RIC8B: variants seen among roughly 807,000 people sequenced by gnomAD.
The protein encoded by RIC8B is chaperone Ric-8B.
A neutral mutation model predicts 57.5 loss-of-function variants in RIC8B; 16 were observed. The observed-to-expected ratio is 0.28, with a 90% confidence interval of 0.19 to 0.42. The LOEUF is 0.42. Among genes scored for constraint, RIC8B ranks in the 10% least tolerant of loss-of-function variants. The probability of loss-of-function intolerance (pLI) is 1.00; values close to 1 mark genes in which losing one functional copy is unlikely to be tolerated. For missense variants in RIC8B, 481 were observed against 677.0 expected (o/e 0.71, Z 3.21); for synonymous variants, 216 against 250.8 (o/e 0.86, Z 1.31).
chr12:106,784,033 G>C lies in RIC8B; in HGVS notation c.121G>C (p.Asp41His). 1 of 1,613,740 alleles carries C rather than the reference G, an allele frequency of 6.2e-7. No homozygotes were observed. Residue 41 changes from aspartate to histidine, a missense_variant, in exon 2 of 10, where the codon GAT (aspartate) becomes CAT (histidine). Physicochemically the swap from Asp to His is moderately conservative, Grantham distance 81. This residue lies in a region of RIC8B where 421 missense variants were observed against 560.9 expected (regional missense o/e 0.75). Transcript: ENST00000392837. Reference protein sequence around the residue: ...ATFKFESTDEDKRKKLCEGIF... With the variant: ...ATFKFESTDEHKRKKLCEGIF... Reference sequence around the variant, plus strand: ...TTTCAAATTTGAATCAACAGATGAAGATAAAAGAAAGGTAAGCCTTGGTGT... The same window carrying C: ...TTTCAAATTTGAATCAACAGATGAACATAAAAGAAAGGTAAGCCTTGGTGT...
rs1430770015 is a variant in RIC8B, at chr12:106,886,315, A to C, written c.*300A>C. 2 of 253,742 alleles carry C rather than the reference A, an allele frequency of 7.9e-6. No homozygotes were observed. The highest frequency in any genetic ancestry group is 1.5e-5 in the Non-Finnish European group (2 of 133,632). 15.7% of individuals were successfully genotyped at this position (253,742 alleles called of 1,614,324 possible). On this transcript the variant is annotated 3_prime_UTR_variant, in exon 10 of 10. Coordinates refer to ENST00000392837, the MANE Select transcript of RIC8B (RefSeq NM_001330145.2). Reference sequence around the variant, plus strand: ...TAAAGCGGCCCTGGTTGAATCTGGCAATTCTTTTTGCCAAGATCCCTAGCA... The same window carrying C: ...TAAAGCGGCCCTGGTTGAATCTGGCCATTCTTTTTGCCAAGATCCCTAGCA...
intron 3 of RIC8B, among the ~76,000 whole-genome samples, chr12:106,820,643 A>C (rs1029698131): frequency 2.6e-5 from 4 of 152,316 alleles, no homozygotes; most frequent in Non-Finnish European, 5.9e-5. Flanking sequence ...ACATGTTAGA[A>C]ACAGACAACC....
chr12:106,865,115 G>A (rs1051549266), intron 8 of RIC8B, among the ~76,000 whole-genome samples: 1 of 152,122 alleles, frequency 6.6e-6, no homozygotes, highest in Non-Finnish European at 1.5e-5. Context: ...GCTCTCTTGC[G>A]TATATACCCA....
chr12:106,820,481 T>C (rs1794472207), intron 3 of RIC8B, among the ~76,000 whole-genome samples: 2 of 152,232 alleles, frequency 1.3e-5, no homozygotes, highest in South Asian at 4.1e-4. Flanking sequence ...CTTGTCTTCC[T>C]CCTGTTTTAA....
intron 2 of RIC8B, among the ~76,000 whole-genome samples, chr12:106,798,722 C>T (rs914193981): frequency 2.6e-5 from 4 of 151,978 alleles, no homozygotes; most frequent in Non-Finnish European, 4.4e-5. Flanking sequence ...TGCTGTTGTC[C>T]GTCATTTGAC....
chr12:106,823,374 T>G (rs2045938327), intron 3 of RIC8B: 1 of 450,182 alleles, frequency 2.2e-6, no homozygotes, highest in South Asian at 1.6e-5. Flanking sequence ...GCTAATTTAG[T>G]GGATTTAGAG....
intron 9 of RIC8B, among the ~76,000 whole-genome samples, chr12:106,876,482 T>C (rs959602835): frequency 6.6e-6 from 1 of 152,148 alleles, no homozygotes; most frequent in African/African-American, 2.4e-5. Context: ...TAAAATATAC[T>C]GTAAGGTTGC....
chr12:106,835,960 G>T (rs2136384208), intron 4 of RIC8B, among the ~76,000 whole-genome samples: 1 of 152,288 alleles, frequency 6.6e-6, no homozygotes, highest in East Asian at 1.9e-4. Context: ...CCTTTAAGTG[G>T]TAACTATCTG....
chr12:106,835,821 G>A (rs550183984), intron 4 of RIC8B, among the ~76,000 whole-genome samples: 2 of 152,306 alleles, frequency 1.3e-5, no homozygotes, highest in Admixed American at 1.3e-4. Flanking sequence ...AGAGAACAAT[G>A]ACCTGGTCAC....
intron 7 of RIC8B, among the ~76,000 whole-genome samples, chr12:106,856,344 C>G (rs80086244): frequency 0.099 from 15,071 of 152,172 alleles, 964 homozygotes; most frequent in Middle Eastern, 0.15. Flanking sequence ...ATGGTAAAAA[C>G]CAAATTTTAC....
chr12:106,864,330 T>C (rs1950053937), intron 8 of RIC8B, among the ~76,000 whole-genome samples: 1 of 152,160 alleles, frequency 6.6e-6, no homozygotes, highest in South Asian at 2.1e-4. Context: ...ACTTACCTCC[T>C]GGATCATCTG....
chr12:106,869,715 G>T (rs983895013), intron 8 of RIC8B, among the ~76,000 whole-genome samples: 1 of 152,156 alleles, frequency 6.6e-6, no homozygotes, highest in Admixed American at 6.6e-5. Context: ...GAGGCAGGAG[G>T]AACACTTGAG....
rs75295140 is a variant in RIC8B at position 106,877,998 on chromosome 12, A to G, written c.1571+7056A>G. On this transcript the variant is annotated intron_variant, in intron 9 of 9. Transcript: ENST00000392837. ...GATGTGGGGACTGTACACCATATCA[A>G]TTTGTCTTGGGTAACAATATTTTTA... Among the ~76,000 whole-genome samples the G allele has an allele frequency of 1.9e-3, 293 of 152,272 alleles. 3 individuals are homozygous for G. The highest frequency in any genetic ancestry group is 6.7e-3 in the African/African-American group (277 of 41,562).
chr12:106,824,703 C>G (rs1251705105), intron 3 of RIC8B, among the ~76,000 whole-genome samples: 1 of 151,804 alleles, frequency 6.6e-6, no homozygotes, highest in East Asian at 1.9e-4. Context: ...CAAGACCAGC[C>G]TGGCCAACAT....
intron 2 of RIC8B, among the ~76,000 whole-genome samples, chr12:106,786,413 T>C (rs910977957): frequency 6.6e-5 from 10 of 152,014 alleles, no homozygotes; most frequent in African/African-American, 2.2e-4. Flanking sequence ...CCTCCCAAAG[T>C]GTTGGGATTA....
intron 4 of RIC8B, among the ~76,000 whole-genome samples, chr12:106,835,408 T>G (rs1003010935): frequency 1.3e-5 from 2 of 152,198 alleles, no homozygotes; most frequent in Non-Finnish European, 2.9e-5. Flanking sequence ...TTCCCTCTTA[T>G]AGTGGAATAT....
chr12:106,825,977 C>G (rs1402509867), intron 4 of RIC8B, among the ~76,000 whole-genome samples, 157 bp downstream of exon 4: 1 of 152,224 alleles, frequency 6.6e-6, no homozygotes, highest in African/African-American at 2.4e-5. Context: ...GAAATCATTA[C>G]TATGCCCTGA....
intron 6 of RIC8B, among the ~76,000 whole-genome samples, chr12:106,847,496 G>T (rs1224036936): frequency 6.6e-6 from 1 of 152,102 alleles, no homozygotes; most frequent in Non-Finnish European, 1.5e-5. Context: ...AGGATTTGTT[G>T]TGCAATTACT....
chr12:106,806,402 C>T (rs1458861305), intron 2 of RIC8B, among the ~76,000 whole-genome samples: 1 of 152,218 alleles, frequency 6.6e-6, no homozygotes, highest in Non-Finnish European at 1.5e-5. Context: ...TAAATTTCCT[C>T]TTGCTAATAC....
Sources: gnomAD v4.1 joint callset for allele counts (sites outside exome capture counted in the v4.1 genomes callset) on GRCh38, gnomAD v4.1.1 for gene constraint, gnomAD v4.1.1 regional missense constraint, MANE v1.5 for transcripts, NCBI Gene and HGNC (gene_info 2026-07-23, HGNC 2026-07-21) for gene names.